CCDC178: variants seen among roughly 807,000 people sequenced by gnomAD.
CCDC178 encodes the protein coiled-coil domain containing 178, also known as coiled-coil domain-containing protein 178.
CCDC178 carries 126 observed loss-of-function variants against 117.4 expected under a neutral mutation model. That is an observed-to-expected ratio of 1.07 (90% CI 0.93 to 1.24). The LOEUF is 1.24. CCDC178 is among the 50% of genes most tolerant of loss of function. CCDC178 has a pLI of 0.00. For missense variants in CCDC178, 1,030 were observed against 986.9 expected (o/e 1.04, Z -0.59); for synonymous variants, 283 against 313.4 (o/e 0.90, Z 1.02).
chr18:33,153,127 G>A (rs1568020915), intron 20 of CCDC178, among the ~76,000 whole-genome samples: 1 of 146,748 alleles, frequency 6.8e-6, no homozygotes, highest in Admixed American at 6.8e-5. Context: ...AATCAGTTGT[G>A]AGTGACAATT....
chr18:33,075,294 A>G (rs1264730466), intron 21 of CCDC178, among the ~76,000 whole-genome samples: 2 of 152,176 alleles, frequency 1.3e-5, no homozygotes. Context: ...TAATTTGAAT[A>G]TATATGATTT....
chr18:33,065,483 C>A (rs186390550), intron 21 of CCDC178, among the ~76,000 whole-genome samples: 3 of 151,906 alleles, frequency 2.0e-5, no homozygotes, highest in Non-Finnish European at 4.4e-5. Context: ...CAGAAGGAGA[C>A]GAGATGGATA....
chr18:33,006,129 TAGAATA>T (rs1350532892), intron 21 of CCDC178, among the ~76,000 whole-genome samples: 2 of 152,102 alleles, frequency 1.3e-5, no homozygotes, highest in Admixed American at 6.6e-5. Context: ...AAATGATCTT[TAGAATA>T]AAATTGTTGA....
intron 6 of CCDC178, among the ~76,000 whole-genome samples, chr18:33,359,342 C>T (rs2063097056): frequency 6.6e-6 from 1 of 151,504 alleles, no homozygotes; most frequent in Non-Finnish European, 1.5e-5. Flanking sequence ...AAAACATTAC[C>T]TTAGCAACTT....
intron 20 of CCDC178, among the ~76,000 whole-genome samples, chr18:33,186,757 A>AAAC (rs1332118577): frequency 6.6e-6 from 1 of 150,772 alleles, no homozygotes; most frequent in African/African-American, 2.4e-5. Flanking sequence ...GTTAACTTGG[A>AAAC]AACTCTTTTC....
intron 19 of CCDC178, among the ~76,000 whole-genome samples, chr18:33,213,948 G>T (rs1472556809): frequency 6.6e-6 from 1 of 152,066 alleles, no homozygotes; most frequent in Non-Finnish European, 1.5e-5. Flanking sequence ...CTGGCAGTAT[G>T]CCCACTATGA....
intron 2 of CCDC178, among the ~76,000 whole-genome samples, chr18:33,416,439 A>G (rs77042116): frequency 6.6e-6 from 1 of 151,834 alleles, no homozygotes; most frequent in African/African-American, 2.4e-5. Context: ...AAAAAAAAAA[A>G]AGAAAAAAAC....
intron 5 of CCDC178, among the ~76,000 whole-genome samples, chr18:33,384,969 C>T (rs906029842): frequency 3.3e-4 from 51 of 152,268 alleles, no homozygotes; most frequent in Middle Eastern, 3.4e-3. Context: ...TCAAGAAACA[C>T]ATCTCACATG....
chr18:33,191,288 C>G (rs1470327755), intron 20 of CCDC178, among the ~76,000 whole-genome samples: 1 of 152,086 alleles, frequency 6.6e-6, no homozygotes, highest in East Asian at 1.9e-4. Flanking sequence ...TCACTGGAGA[C>G]AAGATCTTTA....
intron 21 of CCDC178, among the ~76,000 whole-genome samples, chr18:33,055,530 T>C (rs1346071675): frequency 6.6e-6 from 1 of 151,986 alleles, no homozygotes; most frequent in East Asian, 1.9e-4. Context: ...ATTCTTACTT[T>C]GTTGCCCAGG....
intron 20 of CCDC178, among the ~76,000 whole-genome samples, chr18:33,146,909 G>A (rs923768712): frequency 3.3e-5 from 5 of 152,110 alleles, no homozygotes; most frequent in African/African-American, 7.2e-5. Context: ...AAAAATACCC[G>A]TAAAGTTACA....
chr18:33,224,875 C>G lies in CCDC178; in HGVS notation c.1718G>C (p.Arg573Thr), dbSNP rs144365664. ...ALERKELIKN[R>T]AICAMSLAEL... ...TGCCAGTGACATGGCACATATTGCT[C>G]TATTTTTTATAAGCTCTTTCCGCTC... The change falls in exon 17 of 23, where the codon AGA becomes ACA. Residue 573 changes from arginine (R) to threonine (T), a missense_variant. Physicochemically the swap from Arg to Thr is moderately conservative, Grantham distance 71. Transcript: ENST00000383096. 6.0e-5 allele frequency: 94 copies of G among 1,575,684 alleles called. No individual in the cohort carries two copies. The highest frequency in any genetic ancestry group is 1.7e-4 in the Middle Eastern group (1 of 5,936).
chr18:33,424,227 G>A (rs2064079981), intron 2 of CCDC178, among the ~76,000 whole-genome samples: 1 of 152,114 alleles, frequency 6.6e-6, no homozygotes, highest in Non-Finnish European at 1.5e-5. Flanking sequence ...ATATTAGTTA[G>A]AAGTCTACAT....
chr18:32,961,803 C>T (rs1444119035), intron 22 of CCDC178, among the ~76,000 whole-genome samples: 2 of 152,050 alleles, frequency 1.3e-5, no homozygotes, highest in African/African-American at 4.8e-5. Flanking sequence ...CTGTGCAGCC[C>T]AGTTCCTAAT....
At chr18:32,952,022 C>T (rs1358054669) in intron 22 of CCDC178, among the ~76,000 whole-genome samples, 1 of 150,764 alleles carries the variant, frequency 6.6e-6, no homozygotes, top group Admixed American at 6.6e-5. Flanking sequence ...TAGGCTCCCA[C>T]AGCCTTGGGC....
At chr18:32,940,402 A>T (rs912358987) in intron 22 of CCDC178, among the ~76,000 whole-genome samples, 1 of 152,054 alleles carries the variant, frequency 6.6e-6, no homozygotes, top group Non-Finnish European at 1.5e-5. Context: ...AATATAATTT[A>T]CTGATTGATA....
intron 3 of CCDC178, among the ~76,000 whole-genome samples, chr18:33,398,537 C>T (rs1458223153): frequency 6.6e-6 from 1 of 152,148 alleles, no homozygotes; most frequent in Non-Finnish European, 1.5e-5. Flanking sequence ...ATGTCTCTCT[C>T]CTTCAACACA....
chr18:33,407,567 C>A (rs1223783242), intron 3 of CCDC178, among the ~76,000 whole-genome samples: 10 of 151,548 alleles, frequency 6.6e-5, no homozygotes, highest in Non-Finnish European at 1.3e-4. Flanking sequence ...AAACAGAGAA[C>A]CAGAAGAAAC....
intron 11 of CCDC178, among the ~76,000 whole-genome samples, chr18:33,299,734 T>C (rs1424609452): frequency 6.9e-6 from 1 of 144,670 alleles, no homozygotes; most frequent in African/African-American, 2.5e-5. Flanking sequence ...AACTGCAGAT[T>C]AATATCCAGA....
Sources: gnomAD v4.1 joint callset for allele counts (sites outside exome capture counted in the v4.1 genomes callset) on GRCh38, gnomAD v4.1.1 for gene constraint, MANE v1.5 for transcripts, NCBI Gene and HGNC (gene_info 2026-07-23, HGNC 2026-07-21) for gene names.